Variants in PCDHGC3 observed in about 807,000 individuals in gnomAD.
PCDHGC3 encodes the protein protocadherin gamma subfamily C, 3, also known as protocadherin gamma-C3.
In PCDHGC3, 26 loss-of-function variants were observed where a neutral mutation model predicts 59.2. The observed-to-expected ratio is 0.44, with a 90% CI of 0.32 to 0.61. PCDHGC3 has a LOEUF of 0.61. Among genes scored for constraint, PCDHGC3 ranks in the 20% least tolerant of loss-of-function variants. The pLI, the probability that PCDHGC3 is intolerant of heterozygous loss-of-function variation, is 0.05. For missense variants in PCDHGC3, 1,080 were observed against 1,221.8 expected (o/e 0.88, Z 1.73); for synonymous variants, 487 against 519.7 (o/e 0.94, Z 0.86).
rs758715682 is a variant in PCDHGC3, at chr5:141,490,062, C to T, written c.2431-4745C>T. The T allele has an allele frequency of 2.6e-5, 42 of 1,614,100 alleles. No individual in the cohort carries two copies. The highest frequency in any genetic ancestry group is 3.3e-5 in the South Asian group (3 of 91,086). On this transcript the variant is annotated intron_variant, in intron 1 of 3. Coordinates refer to ENST00000308177, the MANE Select transcript of PCDHGC3 (RefSeq NM_002588.4). The surrounding 1 kb of genome is among the most constrained non-coding windows in gnomAD (Gnocchi z 5.4). The stretch of plus-strand genomic sequence containing the variant: ...CCACTGATCCAGACGAGGGCACCAA[C>T]GGCCAACTAGACTATTCTTTTGGAG...
In PCDHGC3 at chr5:141,490,755, C is replaced by T; in HGVS notation, c.2431-4052C>T. ...AGGTTCAGGGAGCCCCAGCCTCCTC[C>T]TTTGTGTATGTCAACCCAGAGGATG... On this transcript the variant is annotated intron_variant, in intron 1 of 3. Transcript: ENST00000308177. This position sits in a 1 kb window ranked among gnomAD's most constrained non-coding sequence, Gnocchi z 5.4. 1 of 1,614,190 alleles carries T rather than the reference C, an allele frequency of 6.2e-7. No individual in the cohort carries two copies. Among genetic ancestry groups the T allele is most frequent in the Non-Finnish European group, 8.5e-7 (1 of 1,180,026 alleles).
At chr5:141,507,003 G>A (rs569257489) in intron 3 of PCDHGC3, 3 of 152,342 alleles carry the variant, frequency 2.0e-5, no homozygotes, top group African/African-American at 7.2e-5. Context: ...CGACAGATGA[G>A]AGAACCGAGA....
chr5:141,508,269 C>T (rs1459186158), intron 3 of PCDHGC3: 1 of 152,186 alleles, frequency 6.6e-6, no homozygotes, highest in East Asian at 1.9e-4. Flanking sequence ...GAGAAAATCC[C>T]GGTCCTTGAC....
rs202006594 is a variant in PCDHGC3 at position 141,477,618 on chromosome 5, C to G, written c.1502C>G (p.Ala501Gly). Residue 501 changes from alanine (A) to glycine (G), a missense_variant, in exon 1 of 4, where the codon GCT (alanine) becomes GGT (glycine). Ala to Gly is a moderately conservative substitution (Grantham distance 60, BLOSUM62 0). Coordinates refer to ENST00000308177, the MANE Select transcript of PCDHGC3 (RefSeq NM_002588.4). The surrounding 1 kb of genome is among the most constrained non-coding windows in gnomAD (Gnocchi z 4.9). ...TCTTTCTTTCTCTTGGAGCAAGGAGCTGAAACCGGGCTAGTGGGTCGCTAT... is the reference window on the plus strand; with the variant it reads ...TCTTTCTTTCTCTTGGAGCAAGGAGGTGAAACCGGGCTAGTGGGTCGCTAT... ...RLSFFLLEQG[A>G]ETGLVGRYFT... 6.2e-7 allele frequency: 1 copy of G among 1,614,176 alleles called. No individual in the cohort carries two copies. Among genetic ancestry groups the G allele is most frequent in the East Asian group, 2.2e-5 (1 of 44,890 alleles).
chr5:141,476,016 G>A lies in PCDHGC3; in HGVS notation c.-101G>A. 7.4e-7 allele frequency: 1 copy of A among 1,359,386 alleles called. No individual in the cohort carries two copies. 84.2% of individuals were successfully genotyped at this position (1,359,386 alleles called of 1,614,324 possible). A position where few individuals can be genotyped will look rare whatever the true frequency, so the allele number is the denominator to read the frequency against. On this transcript the variant is annotated 5_prime_UTR_variant, in exon 1 of 4. Coordinates refer to ENST00000308177, the MANE Select transcript of PCDHGC3 (RefSeq NM_002588.4). This position sits in a 1 kb window ranked among gnomAD's most constrained non-coding sequence, Gnocchi z 7.6. ...TCAACGGCATCCAGAAAGCCATGTC[G>A]GACTCGGCGCCCAGCGCCCAAGCGC...
chr5:141,497,730 G>T (rs13182286), intron 2 of PCDHGC3, among the ~76,000 whole-genome samples: 247 of 152,136 alleles, frequency 1.6e-3, no homozygotes, highest in Non-Finnish European at 2.8e-3. Flanking sequence ...AGTAGAGATG[G>T]GTTTCGCCAC....
intron 2 of PCDHGC3, among the ~76,000 whole-genome samples, chr5:141,497,016 C>G (rs1384415729): frequency 6.6e-6 from 1 of 152,056 alleles, no homozygotes; most frequent in East Asian, 1.9e-4. Context: ...TGGTGAAACC[C>G]CATCTCGATT....
Position 141,511,508 on chromosome 5 carries a change from C to T in PCDHGC3, c.*335C>T, listed in dbSNP as rs1339517659. 7.8e-6 allele frequency: 3 copies of T among 385,970 alleles called. No individual in the cohort carries two copies. Among genetic ancestry groups the T allele is most frequent in the Non-Finnish European group, 1.5e-5 (3 of 206,164 alleles). The allele number at this position is 385,970 out of a possible 1,614,324, so 23.9% of individuals were successfully genotyped here. Reference sequence around the variant, plus strand: ...TCCTCCATCTTCCAAATCAATCAGGCCCATCCATCCCATGCCTCCCTCCTC... The same window carrying T: ...TCCTCCATCTTCCAAATCAATCAGGTCCATCCATCCCATGCCTCCCTCCTC... On this transcript the variant is annotated 3_prime_UTR_variant, in exon 4 of 4. Coordinates refer to ENST00000308177, the MANE Select transcript of PCDHGC3 (RefSeq NM_002588.4).
At position 141,489,888 on chromosome 5, in the gene PCDHGC3, T is replaced by TG. The variant is rs759744295; in HGVS notation, c.2431-4913dup. On this transcript the variant is annotated intron_variant, in intron 1 of 3. Coordinates refer to ENST00000308177, the MANE Select transcript of PCDHGC3 (RefSeq NM_002588.4). The surrounding 1 kb of genome is among the most constrained non-coding windows in gnomAD (Gnocchi z 4.5). ...ATCAGCTGGTGCTTACTGCTGTGGATGGGGGGACCCCAGCCCGCTCAGGGA... is the reference window on the plus strand; with the variant it reads ...ATCAGCTGGTGCTTACTGCTGTGGATGGGGGGGACCCCAGCCCGCTCAGGGA... 6.4e-5 allele frequency: 103 copies of TG among 1,614,088 alleles called. No individual in the cohort carries two copies. Among genetic ancestry groups the TG allele is most frequent in the Non-Finnish European group, 8.6e-5 (101 of 1,180,048 alleles).
Position 141,476,855 on chromosome 5 carries a change from T to C in PCDHGC3, c.739T>C (p.Ser247Pro), listed in dbSNP as rs149491772. The C allele has an allele frequency of 3.2e-4, 519 of 1,613,836 alleles. 3 individuals carry two copies. The African/African-American group carries it at 6.2e-3, about 19-fold the overall frequency. ...ANDNAPVFNQ[S>P]LYRARVLEDA... is the part of the protein sequence containing the mutation. Reference sequence around the variant, plus strand: ...TGACAATGCGCCTGTCTTCAACCAGTCCTTGTACCGGGCGCGCGTCCTGGA... The same window carrying C: ...TGACAATGCGCCTGTCTTCAACCAGCCCTTGTACCGGGCGCGCGTCCTGGA... The change falls in exon 1 of 4, where the codon TCC (serine) becomes CCC (proline). Residue 247 changes from serine to proline, a missense_variant. Coordinates refer to ENST00000308177, the MANE Select transcript of PCDHGC3 (RefSeq NM_002588.4). This position sits in a 1 kb window ranked among gnomAD's most constrained non-coding sequence, Gnocchi z 7.6.
At position 141,497,103 on chromosome 5, in the gene PCDHGC3, T is replaced by C. The variant is rs182534106; in HGVS notation, c.2489+2238T>C. On this transcript the variant is annotated intron_variant, in intron 2 of 3. Transcript: ENST00000308177. ...ACTTAGGAGGCTGAGGCAGAACTGC[T>C]TGAACCCGGAAGGCAGAGGTTGCAG... Among the ~76,000 whole-genome samples, 34 of 152,160 alleles carry C rather than the reference T, an allele frequency of 2.2e-4. 1 individual carries two copies. Among genetic ancestry groups the C allele is most frequent in the Admixed American group, 6.6e-4 (10 of 15,264 alleles).
rs529966095 is a variant in PCDHGC3 at position 141,499,776 on chromosome 5, TC to T, written c.2489+4914del. 3.7e-3 allele frequency among the ~76,000 whole-genome samples: 528 copies of T among 141,410 alleles called. 6 individuals carry two copies. Among genetic ancestry groups the T allele is most frequent in the Non-Finnish European group, 4.2e-3 (282 of 66,550 alleles). The allele number at this position is 141,410 out of a possible 152,430, so 92.8% of individuals were successfully genotyped here. ...ATCTCAGCTCACTGCAGCCTTCGCCTCCCGGGTTCAAGCAATTCTCATGCTT... is the reference window on the plus strand; with the variant it reads ...ATCTCAGCTCACTGCAGCCTTCGCCTCCGGGTTCAAGCAATTCTCATGCTT... On this transcript the variant is annotated intron_variant, in intron 2 of 3. Coordinates refer to ENST00000308177, the MANE Select transcript of PCDHGC3 (RefSeq NM_002588.4).
In PCDHGC3 at chr5:141,485,580, A is replaced by C. The variant is rs761157560; in HGVS notation, c.2430+7034A>C. The C allele has an allele frequency of 6.2e-7, 1 of 1,612,610 alleles. No homozygotes were observed. The highest frequency in any genetic ancestry group is 2.2e-5 in the East Asian group (1 of 44,850). ...GATCACGCCCCCCGTTTTCCGCGGCAGCAGCTGGACTTGGAAATTGGGGAG... is the reference window on the plus strand; with the variant it reads ...GATCACGCCCCCCGTTTTCCGCGGCCGCAGCTGGACTTGGAAATTGGGGAG... On this transcript the variant is annotated intron_variant, in intron 1 of 3. Transcript: ENST00000308177. The surrounding 1 kb of genome is among the most constrained non-coding windows in gnomAD (Gnocchi z 5.7).
Position 141,487,176 on chromosome 5 carries a change from A to G in PCDHGC3, c.2431-7631A>G. On this transcript the variant is annotated intron_variant, in intron 1 of 3. Coordinates refer to ENST00000308177, the MANE Select transcript of PCDHGC3 (RefSeq NM_002588.4). The surrounding 1 kb of genome is among the most constrained non-coding windows in gnomAD (Gnocchi z 5.0). ...ACTCTCTTAGTGTCCTTAGAGGAAGACACTCATCCAGTTGTCCCAGATCTT... is the reference window on the plus strand; with the variant it reads ...ACTCTCTTAGTGTCCTTAGAGGAAGGCACTCATCCAGTTGTCCCAGATCTT... 1 of 1,613,774 alleles carries G rather than the reference A, an allele frequency of 6.2e-7. No homozygotes were observed. The highest frequency in any genetic ancestry group is 8.5e-7 in the Non-Finnish European group (1 of 1,179,664).
At chr5:141,478,926 G>A in intron 1 of PCDHGC3, 1 of 687,216 alleles carries the variant, frequency 1.5e-6, no homozygotes, top group Non-Finnish European at 2.3e-6. Flanking sequence ...CTAACCAGTG[G>A]CAGCTTCTAG....
chr5:141,477,884 G>A lies in PCDHGC3; in HGVS notation c.1768G>A (p.Val590Met). The change falls in exon 1 of 4, where the codon GTG becomes ATG. Residue 590 changes from valine to methionine, a missense_variant. Transcript: ENST00000308177. The surrounding 1 kb of genome is among the most constrained non-coding windows in gnomAD (Gnocchi z 4.9). ...LPRGTSAGHL[V>M]SRVVGWDADA... ...TCGAGGTACCTCAGCTGGCCACCTA[G>A]TGTCACGGGTGGTAGGCTGGGACGC... 6.2e-7 allele frequency: 1 copy of A among 1,614,190 alleles called. No homozygotes were observed. The highest frequency in any genetic ancestry group is 8.5e-7 in the Non-Finnish European group (1 of 1,180,036).
chr5:141,476,553 A>G lies in PCDHGC3; in HGVS notation c.437A>G (p.Glu146Gly). Residue 146 changes from glutamate (E) to glycine (G), a missense_variant, in exon 1 of 4, where the codon GAG becomes GGG. Physicochemically the swap from Glu to Gly is moderately conservative, Grantham distance 98. Coordinates refer to ENST00000308177, the MANE Select transcript of PCDHGC3 (RefSeq NM_002588.4). The surrounding 1 kb of genome is among the most constrained non-coding windows in gnomAD (Gnocchi z 7.6). ...CAGGAAATGAAATTGGAGATTAGCG[A>G]GGCCGTGGCTCCGGGGACGCGCTTT... ...PTQEMKLEIS[E>G]AVAPGTRFPL... is the part of the protein sequence containing the mutation. The G allele has an allele frequency of 1.2e-6, 2 of 1,614,226 alleles. No homozygotes were observed. The highest frequency in any genetic ancestry group is 1.7e-6 in the Non-Finnish European group (2 of 1,180,040).
rs994740663 is a variant in PCDHGC3, at chr5:141,477,022, G to T, written c.906G>T (p.Gly302=). ...TATTCGCCTTAGACCTTGTAACCGG[G>T]ATGCTGACAATCAAGGGTCGGCTGG... ...RQLFALDLVT[G]MLTIKGRLDF... is the part of the protein sequence containing the mutation. Residue 302 remains glycine, a synonymous_variant, in exon 1 of 4, where the codon GGG becomes GGT. Transcript: ENST00000308177. The surrounding 1 kb of genome is among the most constrained non-coding windows in gnomAD (Gnocchi z 4.9). 6.2e-7 allele frequency: 1 copy of T among 1,614,240 alleles called. No homozygotes were observed. Among genetic ancestry groups the T allele is most frequent in the African/African-American group, 1.3e-5 (1 of 75,074 alleles).
chr5:141,478,631 A>G (rs781339775), intron 1 of PCDHGC3, 85 bp downstream of exon 1: 1 of 1,553,196 alleles, frequency 6.4e-7, no homozygotes, highest in Non-Finnish European at 8.7e-7. Context: ...CTGTTTTTTT[A>G]GTGATGAAGA....
Sources: gnomAD v4.1 joint callset for allele counts (sites outside exome capture counted in the v4.1 genomes callset) on GRCh38, gnomAD v4.1.1 for gene constraint, Gnocchi (gnomAD v3.1) non-coding constraint, MANE v1.5 for transcripts, NCBI Gene and HGNC (gene_info 2026-07-23, HGNC 2026-07-21) for gene names.